The following PAQR8 variants were observed in gnomAD, a reference collection of about 807,000 sequenced individuals.
PAQR8 encodes the protein progestin and adipoQ receptor family member 8, also known as membrane progestin receptor beta.
PAQR8 carries 17 observed loss-of-function variants against 25.2 expected under a neutral mutation model. The observed-to-expected ratio is 0.67, with a 90% CI of 0.46 to 1.01. The LOEUF is 1.01. Among genes scored for constraint, PAQR8 ranks in the 50% least tolerant of loss-of-function variants. The pLI, the probability that PAQR8 is intolerant of heterozygous loss-of-function variation, is 0.00. For synonymous variants in PAQR8, 204 were observed against 190.6 expected (o/e 1.07, Z -0.58); for missense variants, 392 against 448.4 (o/e 0.87, Z 1.14).
At chr6:52,388,328 T>C (rs538360806) in intron 1 of PAQR8, among the ~76,000 whole-genome samples, 2 of 151,474 alleles carry the variant, frequency 1.3e-5, no homozygotes, top group Non-Finnish European at 2.9e-5. Context: ...GTGAGCTGAG[T>C]TGGCATCACT....
In PAQR8 at chr6:52,362,561, A is replaced by T. The variant is rs1763303148; in HGVS notation, c.-53+312A>T. ...GGTGGCCAGGACTGCGATGCTGGGG[A>T]GTCATGGAGCCTGAGCCTGGAGAGC... On this transcript the variant is annotated intron_variant, in intron 1 of 1. Coordinates refer to ENST00000442253, the MANE Select transcript of PAQR8 (RefSeq NM_133367.5). The surrounding 1 kb of genome is among the most constrained non-coding windows in gnomAD (Gnocchi z 4.1). 1 of 153,230 alleles carries T rather than the reference A, an allele frequency of 6.5e-6. No homozygotes were observed. Among genetic ancestry groups the T allele is most frequent in the Non-Finnish European group, 1.4e-5 (1 of 69,014 alleles). The allele number at this position is 153,230 out of a possible 1,614,324, so 9.5% of individuals were successfully genotyped here. A position where few individuals can be genotyped will look rare whatever the true frequency, so the allele number is the denominator to read the frequency against.
At chr6:52,384,900 A>G (rs951298176) in intron 1 of PAQR8, among the ~76,000 whole-genome samples, 10 of 152,210 alleles carry the variant, frequency 6.6e-5, no homozygotes, top group East Asian at 1.9e-4. Context: ...GTTGACAAAA[A>G]TAAACAATGG....
In PAQR8 at chr6:52,362,809, A is replaced by G. The variant is rs1763306255; in HGVS notation, c.-53+560A>G. Among the ~76,000 whole-genome samples the G allele has an allele frequency of 6.6e-6, 1 of 152,096 alleles. No homozygotes were observed. ...AGCCCGAGGAAGGGCAGCCCGAGGT[A>G]GGGGAACCCCGGAAAGAGTAGGGTG... On this transcript the variant is annotated intron_variant, in intron 1 of 1. Transcript: ENST00000442253. This position sits in a 1 kb window ranked among gnomAD's most constrained non-coding sequence, Gnocchi z 4.1.
Position 52,404,218 on chromosome 6 carries a change from T to G in PAQR8, c.1005T>G (p.Ala335=), listed in dbSNP as rs780302848. The G allele has an allele frequency of 5.0e-6, 8 of 1,613,430 alleles. No individual in the cohort carries two copies. The Admixed American group carries it at 1.3e-4, about 27-fold the overall frequency. ...LSFFFLAACS[A]ATAALLRHKV... is the part of the protein sequence containing the mutation. ...TCTTCTTCCTGGCTGCCTGCAGTGCTGCCACCGCAGCCCTTCTGAGGCACA... is the reference window on the plus strand; with the variant it reads ...TCTTCTTCCTGGCTGCCTGCAGTGCGGCCACCGCAGCCCTTCTGAGGCACA... The change falls in exon 2 of 2, where the codon GCT becomes GCG. Residue 335 remains alanine, a synonymous_variant. Coordinates refer to ENST00000442253, the MANE Select transcript of PAQR8 (RefSeq NM_133367.5).
At chr6:52,400,912 A>C (rs1763822746) in intron 1 of PAQR8, among the ~76,000 whole-genome samples, 1 of 152,262 alleles carries the variant, frequency 6.6e-6, no homozygotes, top group South Asian at 2.1e-4. Flanking sequence ...GCTCATAGCA[A>C]TAAAAATGAC....
In PAQR8 at chr6:52,391,616, G is replaced by A. The variant is rs542400295; in HGVS notation, c.-52-11546G>A. Reference sequence around the variant, plus strand: ...TGAGCCCAGAGTTCTCTCACTTAACGACTATGGAGATCCTGAGGCATGTGA... The same window carrying A: ...TGAGCCCAGAGTTCTCTCACTTAACAACTATGGAGATCCTGAGGCATGTGA... On this transcript the variant is annotated intron_variant, in intron 1 of 1. Coordinates refer to ENST00000442253, the MANE Select transcript of PAQR8 (RefSeq NM_133367.5). Among the ~76,000 whole-genome samples the A allele has an allele frequency of 6.6e-5, 10 of 152,282 alleles. No individual in the cohort carries two copies. In the East Asian group the frequency reaches 1.9e-3, roughly 29 times the overall value.
At chr6:52,373,855 T>C (rs1190626499) in intron 1 of PAQR8, among the ~76,000 whole-genome samples, 1 of 152,270 alleles carries the variant, frequency 6.6e-6, no homozygotes, top group South Asian at 2.1e-4. Context: ...TGCTAGTTGA[T>C]ACGGTTTAGA....
intron 1 of PAQR8, among the ~76,000 whole-genome samples, chr6:52,393,471 G>A (rs1212618880): frequency 6.6e-6 from 1 of 151,336 alleles, no homozygotes; most frequent in African/African-American, 2.4e-5. Flanking sequence ...GAGTAATTGG[G>A]ACTACAGGTG....
At chr6:52,378,036 C>T (rs1324946765) in intron 1 of PAQR8, among the ~76,000 whole-genome samples, 2 of 152,158 alleles carry the variant, frequency 1.3e-5, no homozygotes, top group African/African-American at 4.8e-5. Context: ...ATTCTGGCTC[C>T]ACCACTTCCT....
At chr6:52,368,369 C>G (rs957530482) in intron 1 of PAQR8, among the ~76,000 whole-genome samples, 1 of 152,066 alleles carries the variant, frequency 6.6e-6, no homozygotes, top group Non-Finnish European at 1.5e-5. Context: ...CTAGCCCCAC[C>G]CCAGACCATT....
At chr6:52,401,904 T>C (rs1413802447) in intron 1 of PAQR8, among the ~76,000 whole-genome samples, 1 of 152,234 alleles carries the variant, frequency 6.6e-6, no homozygotes, top group Non-Finnish European at 1.5e-5. Context: ...GCCTGTTTAT[T>C]ACATTTTAAT....
intron 1 of PAQR8, among the ~76,000 whole-genome samples, chr6:52,395,310 A>C (rs2113948742): frequency 6.6e-6 from 1 of 152,136 alleles, no homozygotes; most frequent in East Asian, 1.9e-4. Flanking sequence ...ATCCCTACAT[A>C]ATGCAAGGCA....
chr6:52,366,315 G>A (rs1763353026), intron 1 of PAQR8, among the ~76,000 whole-genome samples: 1 of 152,210 alleles, frequency 6.6e-6, no homozygotes, highest in South Asian at 2.1e-4. Context: ...AAGTGCTGGA[G>A]ATGGAGAGGC....
At chr6:52,403,019 T>C in intron 1 of PAQR8, 143 bp from the exon 2 acceptor site, 1 of 584,936 alleles carries the variant, frequency 1.7e-6, no homozygotes, top group Non-Finnish European at 3.0e-6. Flanking sequence ...TGCAATGAGC[T>C]GTGATCGTGC....
chr6:52,388,844 T>C lies in PAQR8; in HGVS notation c.-52-14318T>C, dbSNP rs987289079. On this transcript the variant is annotated intron_variant, in intron 1 of 1. Transcript: ENST00000442253. ...TCGCTAAGCTTCACAGGGGAGGGGT[T>C]ATATCTGAGCCTGAATTTGAGAGAG... Among the ~76,000 whole-genome samples, 12 of 152,204 alleles carry C rather than the reference T, an allele frequency of 7.9e-5. 1 individual carries two copies. The highest frequency in any genetic ancestry group is 5.2e-4 in the Admixed American group (8 of 15,276).
intron 1 of PAQR8, among the ~76,000 whole-genome samples, chr6:52,384,407 G>A (rs1562430625): frequency 6.6e-6 from 1 of 152,160 alleles, no homozygotes; most frequent in Non-Finnish European, 1.5e-5. Flanking sequence ...GGTGGAGGGT[G>A]AGGAGTGCTG....
Position 52,403,806 on chromosome 6 carries a change from A to G in PAQR8, c.593A>G (p.Lys198Arg), listed in dbSNP as rs753451112. The change falls in exon 2 of 2, where the codon AAA becomes AGA. Residue 198 changes from lysine to arginine, a missense_variant. Coordinates refer to ENST00000442253, the MANE Select transcript of PAQR8 (RefSeq NM_133367.5). ...WLSCAGCCYA[K>R]YRYRRPYPVM... ...TCTTGTGCTGGCTGTTGCTATGCCA[A>G]ATATCGTTACCGGAGGCCTTATCCA... 1 of 1,614,072 alleles carries G rather than the reference A, an allele frequency of 6.2e-7. No individual in the cohort carries two copies. The highest frequency in any genetic ancestry group is 2.2e-5 in the East Asian group (1 of 44,894).
intron 1 of PAQR8, among the ~76,000 whole-genome samples, chr6:52,368,285 A>G (rs569366347): frequency 6.6e-6 from 1 of 152,304 alleles, no homozygotes; most frequent in Admixed American, 6.5e-5. Context: ...GTGATCTAGA[A>G]ACCATTGGTA....
At chr6:52,386,861 TAAAC>T (rs961206967) in intron 1 of PAQR8, among the ~76,000 whole-genome samples, 28 of 152,348 alleles carry the variant, frequency 1.8e-4, no homozygotes, top group Admixed American at 7.8e-4. Context: ...TTCTGAGTGA[TAAAC>T]AATCACAACC....
Sources: allele counts gnomAD v4.1 joint callset (sites outside exome capture counted in the v4.1 genomes callset), GRCh38; gene constraint gnomAD v4.1.1; non-coding constraint Gnocchi (gnomAD v3.1); transcripts MANE v1.5; gene names NCBI Gene and HGNC (gene_info 2026-07-23, HGNC 2026-07-21).